Variants in ISM1 observed in about 807,000 individuals in gnomAD.
ISM1 encodes isthmin 1.
In ISM1, 25 loss-of-function variants were observed where a neutral mutation model predicts 46.3. The ratio of observed to expected loss-of-function variants is 0.54; its 90% CI spans 0.39 to 0.75. The LOEUF (loss-of-function observed/expected upper bound fraction) is 0.75. ISM1 is among the 30% of genes least tolerant of loss of function. The pLI is 0.00. For synonymous variants in ISM1, 255 were observed against 256.7 expected, an observed-to-expected ratio of 0.99 and a Z score of 0.06; for missense variants, 536 against 625.4, an observed-to-expected ratio of 0.86 and a Z score of 1.52.
chr20:13,262,457 T>A (rs757756837), intron 1 of ISM1, among the ~76,000 whole-genome samples: 1 of 152,004 alleles, frequency 6.6e-6, no homozygotes, highest in East Asian at 1.9e-4. Flanking sequence ...GGGTTTGTTT[T>A]TCTTTTTCTT....
chr20:13,275,107 G>T (rs2040162794), intron 2 of ISM1, among the ~76,000 whole-genome samples: 1 of 152,126 alleles, frequency 6.6e-6, no homozygotes, highest in African/African-American at 2.4e-5. Context: ...TACTACACTA[G>T]CTATTCACAA....
chr20:13,298,401 C>G (rs537467524), intron 5 of ISM1, among the ~76,000 whole-genome samples: 4 of 152,320 alleles, frequency 2.6e-5, no homozygotes, highest in African/African-American at 9.6e-5. Flanking sequence ...CAGGCATATG[C>G]CACCGTGCCT....
chr20:13,325,019 T>C, the ISM1 span, among the ~76,000 whole-genome samples: 30 of 152,344 alleles, frequency 2.0e-4, no homozygotes, highest in Non-Finnish European at 2.5e-4. Flanking sequence ...TATTTCTCTA[T>C]TGCTGCCTCA....
intron 3 of ISM1, among the ~76,000 whole-genome samples, chr20:13,287,170 T>G (rs2040302976): frequency 6.6e-6 from 1 of 152,166 alleles, no homozygotes; most frequent in African/African-American, 2.4e-5. Flanking sequence ...GACTGGGTAA[T>G]TTATAAAGGA....
chr20:13,276,818 T>A (rs1296813518), intron 2 of ISM1, among the ~76,000 whole-genome samples: 1 of 152,172 alleles, frequency 6.6e-6, no homozygotes, highest in Non-Finnish European at 1.5e-5. Flanking sequence ...ATTGGAGAAG[T>A]CATTGATCAC....
At position 13,262,296 on chromosome 20, in the gene ISM1, T is replaced by G. The variant is rs539570968; in HGVS notation, c.139-8208T>G. 2.6e-5 allele frequency among the ~76,000 whole-genome samples: 4 copies of G among 152,330 alleles called. No individual in the cohort carries two copies. The East Asian group carries it at 7.7e-4, about 29-fold the overall frequency. ...CCTTTATAGCCCTGAGCTGGTTAGC[T>G]GCAGCCTGGAAGGCTGATAGAAAGC... On this transcript the variant is annotated intron_variant, in intron 1 of 5. Transcript: ENST00000262487.
chr20:13,230,842 C>T (rs2123135442), intron 1 of ISM1, among the ~76,000 whole-genome samples: 1 of 152,186 alleles, frequency 6.6e-6, no homozygotes, highest in East Asian at 1.9e-4. Context: ...AAACTGTGAA[C>T]ATAAATACGT....
intron 1 of ISM1, among the ~76,000 whole-genome samples, chr20:13,225,723 T>C (rs1417018818): frequency 6.6e-6 from 1 of 152,226 alleles, no homozygotes; most frequent in Non-Finnish European, 1.5e-5. Flanking sequence ...GAGAAAACTA[T>C]CTGCAGTAGC....
intron 1 of ISM1, among the ~76,000 whole-genome samples, chr20:13,244,805 G>A (rs2039774840): frequency 6.6e-6 from 1 of 152,180 alleles, no homozygotes; most frequent in Non-Finnish European, 1.5e-5. Context: ...GGAAAGGTGT[G>A]TTTCACCTAA....
intron 2 of ISM1, among the ~76,000 whole-genome samples, chr20:13,274,091 GCA>G (rs2040147327): frequency 6.6e-6 from 1 of 151,794 alleles, no homozygotes; most frequent in Non-Finnish European, 1.5e-5. Flanking sequence ...GTGTGCATGT[GCA>G]TGCACACAAA....
chr20:13,316,837 G>A, the ISM1 span, among the ~76,000 whole-genome samples: 94 of 151,850 alleles, frequency 6.2e-4, no homozygotes, highest in African/African-American at 1.9e-3. Context: ...AATACTTAGC[G>A]GTAAGAAACT....
chr20:13,278,761 T>C (rs926460833), intron 2 of ISM1, among the ~76,000 whole-genome samples: 3 of 152,200 alleles, frequency 2.0e-5, no homozygotes, highest in African/African-American at 7.2e-5. Flanking sequence ...CTCTGCTCCA[T>C]GTGATGTTGG....
chr20:13,233,808 T>C (rs1284619303), intron 1 of ISM1, among the ~76,000 whole-genome samples: 3 of 152,122 alleles, frequency 2.0e-5, no homozygotes, highest in Admixed American at 2.0e-4. Flanking sequence ...ACTAGGTGCA[T>C]TCATGGCCCA....
intron 3 of ISM1, among the ~76,000 whole-genome samples, chr20:13,286,632 G>A (rs1280758788): frequency 1.3e-5 from 2 of 152,154 alleles, no homozygotes; most frequent in African/African-American, 2.4e-5. Context: ...AGTTAGGGAG[G>A]AGGACACAAC....
At chr20:13,308,463 C>G in the ISM1 span, among the ~76,000 whole-genome samples, 1 of 152,092 alleles carries the variant, frequency 6.6e-6, no homozygotes, top group Non-Finnish European at 1.5e-5. Context: ...ATGAATTGAA[C>G]AGTACTTTGC....
intron 5 of ISM1, among the ~76,000 whole-genome samples, chr20:13,295,911 T>C (rs1315451239): frequency 1.3e-5 from 2 of 152,216 alleles, no homozygotes; most frequent in African/African-American, 2.4e-5. Context: ...GCAGGTTCCC[T>C]TGTAGGAGCT....
At chr20:13,322,106 G>A in the ISM1 span, among the ~76,000 whole-genome samples, 7 of 152,180 alleles carry the variant, frequency 4.6e-5, no homozygotes, top group Non-Finnish European at 1.0e-4. Context: ...TACAAGTACC[G>A]TTTTGCAAAG....
At chr20:13,226,499 C>A (rs1200692760) in intron 1 of ISM1, among the ~76,000 whole-genome samples, 1 of 152,068 alleles carries the variant, frequency 6.6e-6, no homozygotes, top group African/African-American at 2.4e-5. Context: ...TTAACACAAC[C>A]ACCATTTTAT....
At chr20:13,314,138 A>T in the ISM1 span, among the ~76,000 whole-genome samples, 1 of 152,184 alleles carries the variant, frequency 6.6e-6, no homozygotes, top group African/African-American at 2.4e-5. Context: ...AGACTTAGAG[A>T]CAACTATGAA....
Sources: gnomAD v4.1 joint callset for allele counts (sites outside exome capture counted in the v4.1 genomes callset) on GRCh38, gnomAD v4.1.1 for gene constraint, MANE v1.5 for transcripts, NCBI Gene and HGNC (gene_info 2026-07-23, HGNC 2026-07-21) for gene names.